RASA1: variants seen among roughly 807,000 people sequenced by gnomAD.
RASA1 encodes ras GTPase-activating protein 1.
RASA1 carries 25 observed loss-of-function variants against 132.2 expected under a neutral mutation model. That is an observed-to-expected ratio of 0.19 (90% CI 0.14 to 0.26). The LOEUF (loss-of-function observed/expected upper bound fraction) is 0.26, where lower values mean the gene tolerates loss of function less well. Ranked by LOEUF, RASA1 falls within the 10% of genes least tolerant of loss-of-function variation. The pLI is 1.00. For synonymous variants in RASA1, 477 were observed against 449.9 expected, an observed-to-expected ratio of 1.06 and a Z score of -0.76; for missense variants, 964 against 1,299.2, an observed-to-expected ratio of 0.74 and a Z score of 3.97.
intron 6 of RASA1, among the ~76,000 whole-genome samples, chr5:87,342,439 A>C (rs1182915455): frequency 1.3e-5 from 2 of 152,182 alleles, no homozygotes; most frequent in Admixed American, 1.3e-4. Context: ...AATTACAGGC[A>C]TGAGCCACTG....
At chr5:87,359,547 T>A (rs1759918549) in intron 9 of RASA1, among the ~76,000 whole-genome samples, 1 of 152,176 alleles carries the variant, frequency 6.6e-6, no homozygotes, top group Non-Finnish European at 1.5e-5. Context: ...AATCAAGTAT[T>A]TAAATCCAAA....
intron 1 of RASA1, among the ~76,000 whole-genome samples, chr5:87,306,915 A>G (rs77678916): frequency 1.8e-3 from 281 of 152,078 alleles, no homozygotes; most frequent in South Asian, 0.014. Context: ...CTGGAGTGCA[A>G]TGGTACGATC....
chr5:87,356,705 T>G (rs1759679050), intron 9 of RASA1, among the ~76,000 whole-genome samples: 1 of 152,192 alleles, frequency 6.6e-6, no homozygotes, highest in South Asian at 2.1e-4. Context: ...ATTTTTAAAT[T>G]AACACGTGTA....
Position 87,332,287 on chromosome 5 carries a change from T to C in RASA1, c.693-220T>C, listed in dbSNP as rs1008690793. The stretch of plus-strand genomic sequence containing the variant: ...ATTCTGTAATTGAGGTTTATAAGCC[T>C]GATATGTATTTCACATCAAATGCAT... On this transcript the variant is annotated intron_variant, in intron 2 of 24. Transcript: ENST00000274376. 1.2e-4 allele frequency among the ~76,000 whole-genome samples: 19 copies of C among 152,244 alleles called. No individual in the cohort carries two copies. In the East Asian group the frequency reaches 3.7e-3, roughly 29 times the overall value.
chr5:87,343,790 C>T (rs1056156443), intron 6 of RASA1, among the ~76,000 whole-genome samples: 4 of 152,114 alleles, frequency 2.6e-5, no homozygotes, highest in Non-Finnish European at 5.9e-5. Context: ...GCACCATTCA[C>T]AATAGCCGAG....
At chr5:87,284,800 C>G (rs548717242) in intron 1 of RASA1, among the ~76,000 whole-genome samples, 20 of 152,184 alleles carry the variant, frequency 1.3e-4, no homozygotes, top group Admixed American at 5.9e-4. Context: ...AAATCATATC[C>G]TCTAGTTAAT....
intron 1 of RASA1, among the ~76,000 whole-genome samples, chr5:87,309,707 AT>A (rs1755781020): frequency 6.6e-6 from 1 of 151,566 alleles, no homozygotes; most frequent in Non-Finnish European, 1.5e-5. Flanking sequence ...TATTTCTTTG[AT>A]TTTTGGTTTT....
In RASA1 at chr5:87,268,233, T is replaced by G; in HGVS notation, c.-219T>G. 1 of 643,420 alleles carries G rather than the reference T, an allele frequency of 1.6e-6. No homozygotes were observed. The allele number at this position is 643,420 out of a possible 1,614,324, so 39.9% of individuals were successfully genotyped here. ...GGTGGCGTTTGTGCAGGCGTTGGGTTTTTTGCCCACTTGGCTTCCCGTAAC... is the reference window on the plus strand; with the variant it reads ...GGTGGCGTTTGTGCAGGCGTTGGGTGTTTTGCCCACTTGGCTTCCCGTAAC... On this transcript the variant is annotated 5_prime_UTR_variant, in exon 1 of 25. Coordinates refer to ENST00000274376, the MANE Select transcript of RASA1 (RefSeq NM_002890.3).
intron 1 of RASA1, among the ~76,000 whole-genome samples, chr5:87,319,365 C>G (rs1043292469): frequency 2.6e-5 from 4 of 152,240 alleles, no homozygotes; most frequent in African/African-American, 9.6e-5. Flanking sequence ...AGTAGAGGGT[C>G]TCCATGAGGA....
intron 9 of RASA1, among the ~76,000 whole-genome samples, chr5:87,360,775 G>T (rs1169476800): frequency 6.6e-6 from 1 of 152,134 alleles, no homozygotes. Context: ...ACAGTCTGAG[G>T]TTTATCAAAA....
chr5:87,338,536 A>ATTT (rs1232583853), intron 5 of RASA1, among the ~76,000 whole-genome samples: 1,516 of 85,180 alleles, frequency 0.018, 94 homozygotes, highest in African/African-American at 0.061. Context: ...TATATATAAA[A>ATTT]TTTTTTTTTT....
At chr5:87,269,436 T>C (rs768273367) in intron 1 of RASA1, 9 of 1,003,810 alleles carry the variant, frequency 9.0e-6, no homozygotes, top group Non-Finnish European at 1.3e-5. Context: ...ATTTGAAAAA[T>C]GTATTGGTTA....
chr5:87,358,337 CATTT>C (rs529292852), intron 9 of RASA1, among the ~76,000 whole-genome samples: 1 of 152,220 alleles, frequency 6.6e-6, no homozygotes, highest in Non-Finnish European at 1.5e-5. Context: ...CATATTCATT[CATTT>C]AATTTTCTCA....
intron 1 of RASA1, among the ~76,000 whole-genome samples, chr5:87,294,883 A>G (rs992623036): frequency 6.6e-6 from 1 of 152,244 alleles, no homozygotes; most frequent in African/African-American, 2.4e-5. Context: ...AGTGCTGCTG[A>G]GTTAAACTAT....
At position 87,344,180 on chromosome 5, in the gene RASA1, G is replaced by A. The variant is rs374862073; in HGVS notation, c.1050-2492G>A. 9.2e-5 allele frequency among the ~76,000 whole-genome samples: 14 copies of A among 152,108 alleles called. No homozygotes were observed. The East Asian group carries it at 2.3e-3, about 25-fold the overall frequency. On this transcript the variant is annotated intron_variant, in intron 6 of 24. Coordinates refer to ENST00000274376, the MANE Select transcript of RASA1 (RefSeq NM_002890.3). ...GATATTTAAAAATAACTAAAAGAGT[G>A]GAATTTGAATATGCCTAATACAAAG...
chr5:87,309,763 A>G (rs1270918966), intron 1 of RASA1, among the ~76,000 whole-genome samples: 1 of 152,060 alleles, frequency 6.6e-6, no homozygotes, highest in Non-Finnish European at 1.5e-5. Flanking sequence ...AGTATTTTAT[A>G]TATAAACCTA....
chr5:87,344,050 G>A (rs939658339), intron 6 of RASA1, among the ~76,000 whole-genome samples: 4 of 152,034 alleles, frequency 2.6e-5, no homozygotes, highest in African/African-American at 9.7e-5. Context: ...GTAGAATGAT[G>A]GTTACCAAAA....
chr5:87,285,559 T>C (rs1754513581), intron 1 of RASA1, among the ~76,000 whole-genome samples: 2 of 151,056 alleles, frequency 1.3e-5, no homozygotes, highest in Admixed American at 1.3e-4. Flanking sequence ...GCAATTCTCT[T>C]CTTAACTTTT....
chr5:87,269,844 T>A (rs2112224873), intron 1 of RASA1, among the ~76,000 whole-genome samples: 1 of 152,322 alleles, frequency 6.6e-6, no homozygotes, highest in Admixed American at 6.5e-5. Context: ...TGAACTTAGG[T>A]GTTTATTCTT....
Sources: allele counts gnomAD v4.1 joint callset (sites outside exome capture counted in the v4.1 genomes callset), GRCh38; gene constraint gnomAD v4.1.1; transcripts MANE v1.5; gene names NCBI Gene and HGNC (gene_info 2026-07-23, HGNC 2026-07-21).